The following MICU1 variants were observed in gnomAD, a reference collection of about 807,000 sequenced individuals.
MICU1 encodes the protein mitochondrial calcium uptake 1, also known as calcium uptake protein 1, mitochondrial.
In MICU1, 45 loss-of-function variants were observed where a neutral mutation model predicts 56.8. That is an observed-to-expected ratio of 0.79 (90% confidence interval 0.62 to 1.02). The LOEUF (loss-of-function observed/expected upper bound fraction) is 1.02, where lower values mean the gene tolerates loss of function less well. Among genes scored for constraint, MICU1 ranks in the 50% least tolerant of loss-of-function variants. The pLI, the probability that MICU1 is intolerant of heterozygous loss-of-function variation, is 0.00. For missense variants in MICU1, 504 were observed against 587.1 expected, an observed-to-expected ratio of 0.86 and a Z score of 1.46; for synonymous variants, 186 against 195.1, an observed-to-expected ratio of 0.95 and a Z score of 0.39.
chr10:72,558,203 C>T (rs1466026157), intron 3 of MICU1, among the ~76,000 whole-genome samples: 1 of 152,186 alleles, frequency 6.6e-6, no homozygotes, highest in Non-Finnish European at 1.5e-5. Context: ...AGTGGGATTT[C>T]AATAAACTTA....
chr10:72,505,435 A>G (rs945317102), intron 6 of MICU1, among the ~76,000 whole-genome samples: 37 of 152,220 alleles, frequency 2.4e-4, no homozygotes, highest in Admixed American at 2.3e-3. Context: ...CAGAACTACC[A>G]TTCAACCCAG....
At chr10:72,511,922 G>A (rs1219008032) in intron 5 of MICU1, among the ~76,000 whole-genome samples, 4 of 151,984 alleles carry the variant, frequency 2.6e-5, no homozygotes, top group South Asian at 4.1e-4. Flanking sequence ...AGGGCAGACC[G>A]TCCCCATCTA....
intron 10 of MICU1, among the ~76,000 whole-genome samples, chr10:72,398,749 C>T (rs1863351067): frequency 6.6e-6 from 1 of 152,032 alleles, no homozygotes; most frequent in South Asian, 2.1e-4. Flanking sequence ...CAGGAAGAAG[C>T]TGAATCTCTG....
At chr10:72,620,341 T>C (rs1254736114) in intron 1 of MICU1, among the ~76,000 whole-genome samples, 1 of 152,004 alleles carries the variant, frequency 6.6e-6, no homozygotes, top group East Asian at 1.9e-4. Context: ...TGTGCTACCA[T>C]GCCTGGCTAA....
At chr10:72,464,772 A>G (rs867776222) in intron 8 of MICU1, among the ~76,000 whole-genome samples, 1 of 152,238 alleles carries the variant, frequency 6.6e-6, no homozygotes, top group Non-Finnish European at 1.5e-5. Flanking sequence ...GCCAGAAATG[A>G]TAGCAAACTT....
chr10:72,454,534 G>A (rs545556265), intron 8 of MICU1, among the ~76,000 whole-genome samples: 2 of 151,808 alleles, frequency 1.3e-5, no homozygotes, highest in Admixed American at 6.6e-5. Context: ...TGTAATCCCA[G>A]CACTTTGGGA....
intron 1 of MICU1, among the ~76,000 whole-genome samples, chr10:72,569,237 A>ATATATATT: frequency 5.8e-4 from 20 of 34,356 alleles, no homozygotes; most frequent in East Asian, 4.2e-3. Flanking sequence ...ATATATATAT[A>ATATATATT]TTTTTTTTTT....
At chr10:72,606,585 A>T (rs1374479386) in intron 1 of MICU1, among the ~76,000 whole-genome samples, 2 of 151,762 alleles carry the variant, frequency 1.3e-5, no homozygotes, top group Non-Finnish European at 2.9e-5. Context: ...TAATACTGTG[A>T]TTTATAATAA....
intron 2 of MICU1, among the ~76,000 whole-genome samples, chr10:72,563,969 T>C (rs1462003425): frequency 2.0e-5 from 3 of 152,110 alleles, no homozygotes; most frequent in Non-Finnish European, 2.9e-5. Flanking sequence ...GGAACATAAA[T>C]AAAGAAGAAA....
intron 10 of MICU1, among the ~76,000 whole-genome samples, chr10:72,394,293 A>G (rs1370510716): frequency 6.6e-6 from 1 of 152,176 alleles, no homozygotes; most frequent in African/African-American, 2.4e-5. Context: ...ATGTAGACAT[A>G]TCCTTTTGGG....
chr10:72,386,817 G>A (rs548135545), intron 10 of MICU1, among the ~76,000 whole-genome samples: 1 of 152,210 alleles, frequency 6.6e-6, no homozygotes, highest in South Asian at 2.1e-4. Context: ...GGGATTACAA[G>A]GTTGTGCCAC....
chr10:72,372,220 A>C (rs568097373), intron 11 of MICU1, among the ~76,000 whole-genome samples: 1 of 152,232 alleles, frequency 6.6e-6, no homozygotes, highest in South Asian at 2.1e-4. Context: ...AAATTCAAAA[A>C]AATTAGCTAG....
intron 10 of MICU1, among the ~76,000 whole-genome samples, chr10:72,395,432 G>A (rs967171452): frequency 3.9e-5 from 6 of 152,176 alleles, no homozygotes; most frequent in African/African-American, 1.4e-4. Flanking sequence ...GGGACTGGTT[G>A]GACAGTGGGT....
At chr10:72,578,967 T>C (rs966906689) in intron 1 of MICU1, among the ~76,000 whole-genome samples, 1 of 152,174 alleles carries the variant, frequency 6.6e-6, no homozygotes, top group Non-Finnish European at 1.5e-5. Flanking sequence ...AACATAACTT[T>C]TATATGCACT....
chr10:72,588,263 T>C (rs1332488843), intron 1 of MICU1, among the ~76,000 whole-genome samples: 1 of 152,136 alleles, frequency 6.6e-6, no homozygotes. Flanking sequence ...CCATGCTACC[T>C]GTACAGCCTG....
intron 8 of MICU1, among the ~76,000 whole-genome samples, chr10:72,447,765 C>T (rs1015048430): frequency 6.6e-6 from 1 of 152,086 alleles, no homozygotes; most frequent in Non-Finnish European, 1.5e-5. Flanking sequence ...CTATGCTCCA[C>T]AAAAGCTGGA....
intron 1 of MICU1, among the ~76,000 whole-genome samples, chr10:72,605,566 G>A (rs952242577): frequency 1.3e-5 from 2 of 152,192 alleles, no homozygotes; most frequent in Non-Finnish European, 2.9e-5. Flanking sequence ...AATCCCAACT[G>A]TGGGGTTTGC....
intron 6 of MICU1, among the ~76,000 whole-genome samples, chr10:72,492,794 A>G (rs868672663): frequency 8.9e-5 from 13 of 145,860 alleles, no homozygotes; most frequent in South Asian, 4.3e-4. Context: ...GAATAGAATA[A>G]AATAAAATAA....
intron 4 of MICU1, among the ~76,000 whole-genome samples, chr10:72,547,085 A>T (rs1283782286): frequency 1.3e-5 from 2 of 151,794 alleles, no homozygotes; most frequent in Non-Finnish European, 2.9e-5. Context: ...AGTACAGACG[A>T]GGTTTCACCA....
Sources: gnomAD v4.1 joint callset for allele counts (sites outside exome capture counted in the v4.1 genomes callset) on GRCh38, gnomAD v4.1.1 for gene constraint, MANE v1.5 for transcripts, NCBI Gene and HGNC (gene_info 2026-07-23, HGNC 2026-07-21) for gene names.